STK32B: variants seen among roughly 807,000 people sequenced by gnomAD.
The protein encoded by STK32B is serine/threonine-protein kinase 32B.
STK32B carries 43 observed loss-of-function variants against 52.6 expected under a neutral mutation model. The ratio of observed to expected loss-of-function variants is 0.82; its 90% CI spans 0.64 to 1.05. The LOEUF (loss-of-function observed/expected upper bound fraction) is 1.05. Among genes scored for constraint, STK32B ranks in the 50% least tolerant of loss-of-function variants. The probability of loss-of-function intolerance (pLI) is 0.00; values close to 1 mark genes in which losing one functional copy is unlikely to be tolerated. For synonymous variants in STK32B, 238 were observed against 204.3 expected, an observed-to-expected ratio of 1.17 and a Z score of -1.41; for missense variants, 621 against 534.6, an observed-to-expected ratio of 1.16 and a Z score of -1.59.
intron 2 of STK32B, among the ~76,000 whole-genome samples, chr4:5,141,627 G>A (rs900817161): frequency 6.6e-5 from 10 of 152,160 alleles, no homozygotes; most frequent in Admixed American, 2.0e-4. Flanking sequence ...CAGCAGCAGC[G>A]GGGAGCCCTG....
intron 4 of STK32B, among the ~76,000 whole-genome samples, chr4:5,376,964 G>A (rs1336383015): frequency 6.6e-6 from 1 of 151,992 alleles, no homozygotes; most frequent in African/African-American, 2.4e-5. Context: ...TCAATTTCTG[G>A]TTAGTTCCCA....
chr4:5,289,009 A>G (rs1728718175), intron 3 of STK32B, among the ~76,000 whole-genome samples: 1 of 152,216 alleles, frequency 6.6e-6, no homozygotes. Context: ...AAACAGTCAT[A>G]TGTCACTTGA....
At chr4:5,374,352 CT>C (rs1735445135) in intron 4 of STK32B, among the ~76,000 whole-genome samples, 1 of 152,160 alleles carries the variant, frequency 6.6e-6, no homozygotes. Flanking sequence ...AGACAAAATG[CT>C]TTTTGCTAAG....
intron 4 of STK32B, among the ~76,000 whole-genome samples, chr4:5,366,129 C>G (rs1229959979): frequency 6.6e-6 from 1 of 152,138 alleles, no homozygotes; most frequent in Non-Finnish European, 1.5e-5. Context: ...GCCAAGGGCC[C>G]TTGATCCCCC....
chr4:5,174,865 G>T (rs1031894870), intron 3 of STK32B, among the ~76,000 whole-genome samples: 3 of 152,194 alleles, frequency 2.0e-5, no homozygotes, highest in Non-Finnish European at 2.9e-5. Flanking sequence ...CTAGATTGGG[G>T]AAGTTCTCCT....
rs1315585511 is a variant in STK32B, at chr4:5,399,343, C to T, written c.472+1099C>T. Reference sequence around the variant, plus strand: ...CTGCAGGCTGAGGTCATGGTTCTATCTCAGAGCTCCTCTCGAACCTTCCAT... The same window carrying T: ...CTGCAGGCTGAGGTCATGGTTCTATTTCAGAGCTCCTCTCGAACCTTCCAT... On this transcript the variant is annotated intron_variant, in intron 5 of 11. Coordinates refer to ENST00000282908, the MANE Select transcript of STK32B (RefSeq NM_018401.3). This position sits in a 1 kb window ranked among gnomAD's most constrained non-coding sequence, Gnocchi z 5.4. Among the ~76,000 whole-genome samples, 1 of 152,148 alleles carries T rather than the reference C, an allele frequency of 6.6e-6. No individual in the cohort carries two copies. The highest frequency in any genetic ancestry group is 1.5e-5 in the Non-Finnish European group (1 of 68,020).
At chr4:5,060,262 G>T (rs551485079) in intron 1 of STK32B, among the ~76,000 whole-genome samples, 1 of 152,128 alleles carries the variant, frequency 6.6e-6, no homozygotes, top group African/African-American at 2.4e-5. Context: ...CACTGTGCCC[G>T]GCCAGGACTG....
At chr4:5,172,498 A>C (rs200790276) in intron 3 of STK32B, among the ~76,000 whole-genome samples, 28,337 of 151,236 alleles carry the variant, frequency 0.19, 3,344 homozygotes, top group East Asian at 0.35. Context: ...TACCTAATTT[A>C]TTGAGAGTTT....
intron 3 of STK32B, among the ~76,000 whole-genome samples, chr4:5,195,471 T>C (rs966762456): frequency 1.3e-5 from 2 of 152,158 alleles, no homozygotes; most frequent in Non-Finnish European, 2.9e-5. Flanking sequence ...GGCAGGCAGA[T>C]CACCTGAGGT....
At chr4:5,110,451 C>T (rs1314485779) in intron 1 of STK32B, among the ~76,000 whole-genome samples, 1 of 151,932 alleles carries the variant, frequency 6.6e-6, no homozygotes, top group Non-Finnish European at 1.5e-5. Flanking sequence ...AGAAATAAAG[C>T]CACATACCTG....
chr4:5,356,069 C>A (rs1043178626), intron 4 of STK32B, among the ~76,000 whole-genome samples: 1 of 152,132 alleles, frequency 6.6e-6, no homozygotes, highest in Admixed American at 6.5e-5. Flanking sequence ...CAGACCCACA[C>A]CCTGGCTGTG....
chr4:5,483,785 G>C (rs148597890), intron 11 of STK32B, among the ~76,000 whole-genome samples: 3,209 of 152,102 alleles, frequency 0.021, 41 homozygotes, highest in Non-Finnish European at 0.031. Context: ...CTGGTATGTT[G>C]TGTCTTTGTT....
intron 3 of STK32B, among the ~76,000 whole-genome samples, chr4:5,274,798 C>T (rs1727700516): frequency 6.6e-6 from 1 of 152,154 alleles, no homozygotes; most frequent in Admixed American, 6.5e-5. Context: ...CCATCGCCGT[C>T]CACCACTGCT....
chr4:5,043,855 G>A, the STK32B span, among the ~76,000 whole-genome samples: 1 of 152,352 alleles, frequency 6.6e-6, no homozygotes, highest in African/African-American at 2.4e-5. Flanking sequence ...TGTCTTCTCG[G>A]GCTCCCAGCC....
intron 6 of STK32B, among the ~76,000 whole-genome samples, chr4:5,430,041 C>T (rs1713439293): frequency 6.6e-6 from 1 of 152,058 alleles, no homozygotes; most frequent in Admixed American, 6.6e-5. Context: ...ATATGATGTA[C>T]CAAGGCATAT....
chr4:5,307,974 G>T (rs1259720319), intron 3 of STK32B, among the ~76,000 whole-genome samples: 1 of 152,178 alleles, frequency 6.6e-6, no homozygotes, highest in East Asian at 1.9e-4. Flanking sequence ...TCTATGATGT[G>T]ATCCATCTTC....
intron 3 of STK32B, among the ~76,000 whole-genome samples, chr4:5,244,542 G>T (rs564770455): frequency 2.2e-4 from 34 of 152,196 alleles, no homozygotes; most frequent in African/African-American, 8.2e-4. Flanking sequence ...TGGATTCATT[G>T]ATTATTTGAA....
chr4:5,477,048 G>A (rs1718292926), intron 11 of STK32B, among the ~76,000 whole-genome samples: 1 of 152,128 alleles, frequency 6.6e-6, no homozygotes, highest in African/African-American at 2.4e-5. Context: ...TATTTCTGTT[G>A]TTTTTAAGCC....
In STK32B at chr4:5,460,121, G is replaced by A. The variant is rs146714972; in HGVS notation, c.802G>A (p.Glu268Lys). 1,060 of 1,614,222 alleles carry A rather than the reference G, an allele frequency of 6.6e-4. 1 individual carries two copies. The highest frequency in any genetic ancestry group is 8.3e-4 in the Non-Finnish European group (978 of 1,180,040). The change falls in exon 9 of 12, where the codon GAG becomes AAG. Residue 268 changes from glutamate (E) to lysine (K), a missense_variant. Transcript: ENST00000282908. This position sits in a 1 kb window ranked among gnomAD's most constrained non-coding sequence, Gnocchi z 4.8. ...ACTGCAGCTCCTGACCAAGGATCCT[G>A]AGAGCCGCGTGTCCAGCCTTCATGA... ...LLRKLLTKDP[E>K]SRVSSLHDIQ...
Sources: gnomAD v4.1 joint callset for allele counts (sites outside exome capture counted in the v4.1 genomes callset) on GRCh38, gnomAD v4.1.1 for gene constraint, Gnocchi (gnomAD v3.1) non-coding constraint, MANE v1.5 for transcripts, NCBI Gene and HGNC (gene_info 2026-07-23, HGNC 2026-07-21) for gene names.